SYNGR4: variants seen among roughly 807,000 people sequenced by gnomAD.
SYNGR4 encodes synaptogyrin 4, also known as synaptogyrin-4.
In SYNGR4, 15 loss-of-function variants were observed where a neutral mutation model predicts 15.5. That is an observed-to-expected ratio of 0.97 (90% CI 0.65 to 1.49). The LOEUF (loss-of-function observed/expected upper bound fraction) is 1.49, where lower values mean the gene tolerates loss of function less well. SYNGR4 is among the 40% of genes most tolerant of loss of function. The probability of loss-of-function intolerance (pLI) is 0.00; values close to 1 mark genes in which losing one functional copy is unlikely to be tolerated. For missense variants in SYNGR4, 292 were observed against 299.3 expected (o/e 0.98, Z 0.18); for synonymous variants, 121 against 127.4 (o/e 0.95, Z 0.34).
At chr19:48,373,853 C>A in intron 3 of SYNGR4, 99 bp downstream of exon 3, 1 of 1,209,342 alleles carries the variant, frequency 8.3e-7, no homozygotes, top group Non-Finnish European at 1.2e-6. Flanking sequence ...CACCACCTAG[C>A]CGGCCTCCAC....
intron 2 of SYNGR4, among the ~76,000 whole-genome samples, chr19:48,369,826 C>A (rs1356854624): frequency 6.6e-6 from 1 of 152,202 alleles, no homozygotes; most frequent in Non-Finnish European, 1.5e-5. Context: ...CTGCCTCAGA[C>A]CAGCAGGGCC....
intron 2 of SYNGR4, among the ~76,000 whole-genome samples, chr19:48,368,479 G>A (rs576877517): frequency 6.6e-6 from 1 of 151,910 alleles, no homozygotes; most frequent in Non-Finnish European, 1.5e-5. Flanking sequence ...TTCGCCTCCT[G>A]GGTTCAAGCA....
intron 4 of SYNGR4, 93 bp from the exon 5 acceptor site, chr19:48,375,992 T>A (rs1282485438): frequency 6.3e-7 from 1 of 1,589,612 alleles, no homozygotes; most frequent in East Asian, 2.3e-5. Context: ...CACCGGTATC[T>A]TTTGTCTCCT....
chr19:48,373,405 G>A (rs1970341323), intron 2 of SYNGR4, 112 bp from the exon 3 acceptor site: 1 of 887,650 alleles, frequency 1.1e-6, no homozygotes, highest in East Asian at 2.4e-5. Context: ...AAGAGGGAGA[G>A]GTCCAGACGG....
intron 2 of SYNGR4, 152 bp downstream of exon 2, chr19:48,366,087 G>A: frequency 2.6e-6 from 2 of 755,964 alleles, no homozygotes; most frequent in Non-Finnish European, 2.2e-6. Flanking sequence ...CTTTTCCTGA[G>A]CACCCCACTA....
At chr19:48,368,999 C>T (rs1970263581) in intron 2 of SYNGR4, among the ~76,000 whole-genome samples, 2 of 152,286 alleles carry the variant, frequency 1.3e-5, no homozygotes, top group East Asian at 1.9e-4. Context: ...GAAGGCAGGG[C>T]GGGTGGCAAG....
chr19:48,369,469 A>T (rs1970272391), intron 2 of SYNGR4, among the ~76,000 whole-genome samples: 1 of 152,076 alleles, frequency 6.6e-6, no homozygotes, highest in South Asian at 2.1e-4. Flanking sequence ...TGACCTTGAG[A>T]GGACGCCTTC....
Position 48,375,686 on chromosome 19 carries a change from G to A in SYNGR4, c.405G>A (p.Glu135=), listed in dbSNP as rs1257827850. ...AATGGCAGCATTCGCCGCCCAAAGAGTTCCTCCTGGGGAGCAGCAGTGCCC... is the reference window on the plus strand; with the variant it reads ...AATGGCAGCATTCGCCGCCCAAAGAATTCCTCCTGGGGAGCAGCAGTGCCC... ...ANQWQHSPPK[E]FLLGSSSAQA... Residue 135 remains glutamate (E), a synonymous_variant, in exon 4 of 5, where the codon GAG becomes GAA. Transcript: ENST00000344846. The A allele has an allele frequency of 2.5e-6, 4 of 1,614,080 alleles. No individual in the cohort carries two copies. Among genetic ancestry groups the A allele is most frequent in the Non-Finnish European group, 3.4e-6 (4 of 1,179,984 alleles).
chr19:48,372,705 T>C (rs1180965803), intron 2 of SYNGR4, among the ~76,000 whole-genome samples: 1 of 151,908 alleles, frequency 6.6e-6, no homozygotes, highest in African/African-American at 2.4e-5. Flanking sequence ...GTAGTATTTG[T>C]CTAAAACAAA....
chr19:48,372,025 A>G (rs1970315708), intron 2 of SYNGR4, among the ~76,000 whole-genome samples: 2 of 151,262 alleles, frequency 1.3e-5, no homozygotes, highest in African/African-American at 4.9e-5. Flanking sequence ...GACTACAAGT[A>G]TGCACCACCA....
Position 48,375,719 on chromosome 19 carries a change from C to T in SYNGR4, c.438C>T (p.Ala146=). ...TGGGGAGCAGCAGTGCCCAGGCAGCCATCGCCTTCACCTTCTTCTCCATCC... is the reference window on the plus strand; with the variant it reads ...TGGGGAGCAGCAGTGCCCAGGCAGCTATCGCCTTCACCTTCTTCTCCATCC... ...FLLGSSSAQA[A]IAFTFFSILV... Residue 146 remains alanine (A), a synonymous_variant, in exon 4 of 5, where the codon GCC becomes GCT. Coordinates refer to ENST00000344846, the MANE Select transcript of SYNGR4 (RefSeq NM_012451.4). 6.2e-7 allele frequency: 1 copy of T among 1,613,998 alleles called. No homozygotes were observed. Among genetic ancestry groups the T allele is most frequent in the South Asian group, 1.1e-5 (1 of 91,080 alleles).
At chr19:48,369,717 C>T (rs1036539018) in intron 2 of SYNGR4, among the ~76,000 whole-genome samples, 2 of 152,174 alleles carry the variant, frequency 1.3e-5, no homozygotes, top group Non-Finnish European at 2.9e-5. Flanking sequence ...TAATAATCTC[C>T]ACCACGTGGG....
chr19:48,372,160 C>T (rs1272449849), intron 2 of SYNGR4, among the ~76,000 whole-genome samples: 2 of 151,858 alleles, frequency 1.3e-5, no homozygotes, highest in Admixed American at 6.6e-5. Flanking sequence ...GCTGGAATTA[C>T]AGTCATGAGC....
chr19:48,374,130 T>C (rs140805695), intron 3 of SYNGR4, among the ~76,000 whole-genome samples: 1 of 145,398 alleles, frequency 6.9e-6, no homozygotes, highest in Non-Finnish European at 1.5e-5. Context: ...CAGGCTGGAG[T>C]GCACTGGCAC....
At chr19:48,365,171 C>A (rs887592611) in intron 1 of SYNGR4, among the ~76,000 whole-genome samples, 1 of 151,370 alleles carries the variant, frequency 6.6e-6, no homozygotes, top group Non-Finnish European at 1.5e-5. Context: ...CCTGGCAGCC[C>A]TCCCCACACG....
In SYNGR4 at chr19:48,364,511, T is replaced by C. The variant is rs1234025929; in HGVS notation, c.-134T>C. 6.6e-6 allele frequency: 1 copy of C among 152,028 alleles called. No homozygotes were observed. The highest frequency in any genetic ancestry group is 2.4e-5 in the African/African-American group (1 of 41,076). The allele number at this position is 152,028 out of a possible 1,614,324, so 9.4% of individuals were successfully genotyped here. Reference sequence around the variant, plus strand: ...CCTCAGCACTGCCATTCCAGGTCCTTAAAGGGGAGACCGCGATTCTAAGAA... The same window carrying C: ...CCTCAGCACTGCCATTCCAGGTCCTCAAAGGGGAGACCGCGATTCTAAGAA... On this transcript the variant is annotated 5_prime_UTR_variant, in exon 1 of 5. Coordinates refer to ENST00000344846, the MANE Select transcript of SYNGR4 (RefSeq NM_012451.4).
In SYNGR4 at chr19:48,373,328, T is replaced by C. The variant is rs934106085; in HGVS notation, c.94-189T>C. 4.2e-4 allele frequency: 256 copies of C among 611,222 alleles called. 1 individual carries two copies. Among genetic ancestry groups the C allele is most frequent in the Middle Eastern group, 3.3e-3 (8 of 2,414 alleles). The allele number at this position is 611,222 out of a possible 1,614,324, so 37.9% of individuals were successfully genotyped here. A position where few individuals can be genotyped will look rare whatever the true frequency, so the allele number is the denominator to read the frequency against. On this transcript the variant is annotated intron_variant, in intron 2 of 4. Transcript: ENST00000344846. ...AGGGCCAAGGAGAGCAGACGAGGCC[T>C]GAGCCAGGATGGAGCAGAGGGGACG...
Position 48,375,686 on chromosome 19 carries a change from G to T in SYNGR4, c.405G>T (p.Glu135Asp), listed in dbSNP as rs1257827850. ...ANQWQHSPPK[E>D]FLLGSSSAQA... ...AATGGCAGCATTCGCCGCCCAAAGA[G>T]TTCCTCCTGGGGAGCAGCAGTGCCC... is the stretch of plus-strand genomic sequence containing the variant. Residue 135 changes from glutamate to aspartate, a missense_variant, in exon 4 of 5, where the codon GAG (glutamate) becomes GAT (aspartate). Coordinates refer to ENST00000344846, the MANE Select transcript of SYNGR4 (RefSeq NM_012451.4). 4.3e-6 allele frequency: 7 copies of T among 1,613,962 alleles called. No individual in the cohort carries two copies. Among genetic ancestry groups the T allele is most frequent in the Non-Finnish European group, 5.9e-6 (7 of 1,179,992 alleles).
intron 2 of SYNGR4, 39 bp from the exon 3 acceptor site, chr19:48,373,478 G>A: frequency 6.4e-7 from 1 of 1,567,714 alleles, no homozygotes. Context: ...CAGCTTCAGG[G>A]AGAGACTGAG....
Sources: allele counts gnomAD v4.1 joint callset (sites outside exome capture counted in the v4.1 genomes callset), GRCh38; gene constraint gnomAD v4.1.1; transcripts MANE v1.5; gene names NCBI Gene and HGNC (gene_info 2026-07-23, HGNC 2026-07-21).